The following FAM149B1 variants were observed in gnomAD, a reference collection of about 807,000 sequenced individuals.
The protein encoded by FAM149B1 is primary cilium assembly protein FAM149B1.
A neutral mutation model predicts 75.3 loss-of-function variants in FAM149B1; 56 were observed. The observed-to-expected ratio is 0.74, with a 90% CI of 0.60 to 0.93. FAM149B1 has a LOEUF of 0.93. FAM149B1 is among the 40% of genes least tolerant of loss of function. FAM149B1 has a pLI of 0.00. For synonymous variants in FAM149B1, 259 were observed against 256.1 expected, an observed-to-expected ratio of 1.01 and a Z score of -0.11; for missense variants, 639 against 708.4, an observed-to-expected ratio of 0.90 and a Z score of 1.11.
At chr10:73,180,170 G>A (rs1366100989) in intron 3 of FAM149B1, among the ~76,000 whole-genome samples, 1 of 152,190 alleles carries the variant, frequency 6.6e-6, no homozygotes, top group Non-Finnish European at 1.5e-5. Context: ...CTCTGGTAAG[G>A]TAGATCTGAG....
intron 13 of FAM149B1, among the ~76,000 whole-genome samples, chr10:73,240,334 A>C (rs1370863024): frequency 3.3e-5 from 5 of 152,206 alleles, no homozygotes; most frequent in African/African-American, 1.2e-4. Context: ...AGTTCCCCGC[A>C]GCATTGTCTG....
At position 73,181,009 on chromosome 10, in the gene FAM149B1, C is replaced by CT. The variant is rs558040188; in HGVS notation, c.282+3049dup. ...TTGGTTTGCTCTTGCTTTTCTAGTT[C>CT]TTTTTTTTTTTTTTTGAGACGGAGT... On this transcript the variant is annotated intron_variant, in intron 3 of 13. Transcript: ENST00000242505. 2.8e-3 allele frequency among the ~76,000 whole-genome samples: 385 copies of CT among 137,680 alleles called. 1 individual carries two copies. Among genetic ancestry groups the CT allele is most frequent in the Middle Eastern group, 0.011 (3 of 274 alleles). The allele number at this position is 137,680 out of a possible 152,430, so 90.3% of individuals were successfully genotyped here. A position where few individuals can be genotyped will look rare whatever the true frequency, so the allele number is the denominator to read the frequency against.
chr10:73,225,762 T>A (rs975599773), intron 7 of FAM149B1, among the ~76,000 whole-genome samples: 3 of 152,254 alleles, frequency 2.0e-5, no homozygotes, highest in African/African-American at 7.2e-5. Context: ...TCATGATAAG[T>A]ACCCTATACA....
intron 7 of FAM149B1, among the ~76,000 whole-genome samples, chr10:73,225,226 TG>T (rs2043511515): frequency 6.6e-6 from 1 of 152,238 alleles, no homozygotes; most frequent in Non-Finnish European, 1.5e-5. Context: ...TAAAGTTAAC[TG>T]TAAAATAGCC....
At chr10:73,178,790 A>C (rs1374268989) in intron 3 of FAM149B1, among the ~76,000 whole-genome samples, 1 of 152,164 alleles carries the variant, frequency 6.6e-6, no homozygotes. Flanking sequence ...AATATTGTTC[A>C]GTTGTTATTA....
At chr10:73,204,944 ATTTTTTTTTTTTTTTTTTTTTTTTT>A (rs71021549) in intron 5 of FAM149B1, among the ~76,000 whole-genome samples, 513 of 36,550 alleles carry the variant, frequency 0.014, 10 homozygotes, top group Middle Eastern at 0.025. Context: ...TGCCTGGCTA[ATTTTTTTTTTTTTTTTTTTTTTTTT>A]TTTTTTTTTT....
rs559088888 is a variant in FAM149B1, at chr10:73,168,271, G to A, written c.-69G>A. ...GGAGCCGGCGGGAGGGCCAGGCCCG[G>A]AGGCCCCCACCCTGGCGTGCCTGCC... is the stretch of plus-strand genomic sequence containing the variant. On this transcript the variant is annotated 5_prime_UTR_variant, in exon 1 of 14. Transcript: ENST00000242505. 3 of 1,521,878 alleles carry A rather than the reference G, an allele frequency of 2.0e-6. No individual in the cohort carries two copies. Among genetic ancestry groups the A allele is most frequent in the African/African-American group, 1.4e-5 (1 of 71,802 alleles). The allele number at this position is 1,521,878 out of a possible 1,614,324, so 94.3% of individuals were successfully genotyped here. A position where few individuals can be genotyped will look rare whatever the true frequency, so the allele number is the denominator to read the frequency against.
intron 7 of FAM149B1, among the ~76,000 whole-genome samples, chr10:73,213,498 G>C (rs2043235181): frequency 1.3e-5 from 2 of 152,106 alleles, no homozygotes; most frequent in Admixed American, 1.3e-4. Context: ...TGTATACGGT[G>C]AGAGGTATGG....
At chr10:73,169,480 CAG>C (rs1176111845) in intron 1 of FAM149B1, among the ~76,000 whole-genome samples, 1 of 143,268 alleles carries the variant, frequency 7.0e-6, no homozygotes, top group South Asian at 2.2e-4. Flanking sequence ...TTTTTGGAGA[CAG>C]GGTCTTGCTC....
rs138940606 is a variant in FAM149B1 at position 73,208,736 on chromosome 10, C to T, written c.660C>T (p.Ile220=). The T allele has an allele frequency of 5.0e-5, 77 of 1,542,810 alleles. No homozygotes were observed. The African/African-American group carries it at 8.9e-4, about 18-fold the overall frequency. The change falls in exon 6 of 14, where the codon ATC becomes ATT. Residue 220 remains isoleucine (I), a synonymous_variant. Transcript: ENST00000242505. ...SMERDEEDSI[I]VSEGIIEEYL... The stretch of plus-strand genomic sequence containing the variant: ...AAAGAGATGAGGAAGACTCTATAAT[C>T]GTCTCAGAAGGAATAATTGAGGAAT...
chr10:73,191,518 A>G (rs547677202), intron 3 of FAM149B1, among the ~76,000 whole-genome samples: 2 of 152,002 alleles, frequency 1.3e-5, no homozygotes, highest in Non-Finnish European at 1.5e-5. Context: ...TTTTATTTTT[A>G]GTAGAGACAG....
intron 7 of FAM149B1, among the ~76,000 whole-genome samples, chr10:73,226,277 C>T (rs1273883484): frequency 6.6e-6 from 1 of 151,914 alleles, no homozygotes; most frequent in Non-Finnish European, 1.5e-5. Flanking sequence ...AAGGCCGAGG[C>T]GGGTGGATCA....
At chr10:73,207,184 A>G (rs1397108992) in intron 5 of FAM149B1, among the ~76,000 whole-genome samples, 1 of 152,184 alleles carries the variant, frequency 6.6e-6, no homozygotes, top group Non-Finnish European at 1.5e-5. Context: ...CCACTGGGGC[A>G]CTGCCTAGTG....
intron 6 of FAM149B1, among the ~76,000 whole-genome samples, chr10:73,209,327 A>G (rs2133366413): frequency 6.6e-6 from 1 of 152,238 alleles, no homozygotes; most frequent in Admixed American, 6.5e-5. Flanking sequence ...GCGTGCCTCT[A>G]ATGTCAGCTA....
At chr10:73,201,416 A>G (rs934269761) in intron 5 of FAM149B1, among the ~76,000 whole-genome samples, 4 of 152,226 alleles carry the variant, frequency 2.6e-5, no homozygotes, top group African/African-American at 7.2e-5. Context: ...CATTGGCTTT[A>G]TCCTCTTTAG....
At chr10:73,186,207 T>G (rs1406898389) in intron 3 of FAM149B1, among the ~76,000 whole-genome samples, 1 of 152,092 alleles carries the variant, frequency 6.6e-6, no homozygotes, top group Non-Finnish European at 1.5e-5. Flanking sequence ...TACATTATAT[T>G]AATAGAATAA....
chr10:73,195,185 C>T (rs1205961664), intron 5 of FAM149B1, among the ~76,000 whole-genome samples: 1 of 152,022 alleles, frequency 6.6e-6, no homozygotes, highest in Non-Finnish European at 1.5e-5. Flanking sequence ...TGATACCTTC[C>T]AATAGTTGTA....
At chr10:73,207,489 G>A (rs58936118) in intron 5 of FAM149B1, among the ~76,000 whole-genome samples, 7,036 of 152,046 alleles carry the variant, frequency 0.046, 504 homozygotes, top group African/African-American at 0.15. Context: ...GCTTGAACCC[G>A]GGAGGCAGAG....
At chr10:73,228,284 A>ATGTT (rs2043602737) in intron 8 of FAM149B1, 100 bp downstream of exon 8, 3 of 942,476 alleles carry the variant, frequency 3.2e-6, no homozygotes, top group Non-Finnish European at 3.3e-6. Context: ...CTGACTCAAT[A>ATGTT]TGTTTTAGTA....
Sources: gnomAD v4.1 joint callset for allele counts (sites outside exome capture counted in the v4.1 genomes callset) on GRCh38, gnomAD v4.1.1 for gene constraint, MANE v1.5 for transcripts, NCBI Gene and HGNC (gene_info 2026-07-23, HGNC 2026-07-21) for gene names.